The following MAPRE2 variants were observed in gnomAD, a reference collection of about 807,000 sequenced individuals.
MAPRE2 encodes the protein microtubule-associated protein RP/EB family member 2.
A neutral mutation model predicts 43.2 loss-of-function variants in MAPRE2; 13 were observed. That is an observed-to-expected ratio of 0.30 (90% CI 0.20 to 0.48). The LOEUF (loss-of-function observed/expected upper bound fraction) is 0.48. Among genes scored for constraint, MAPRE2 ranks in the 20% least tolerant of loss-of-function variants. The pLI, the probability that MAPRE2 is intolerant of heterozygous loss-of-function variation, is 0.99. For synonymous variants in MAPRE2, 135 were observed against 148.8 expected, an observed-to-expected ratio of 0.91 and a Z score of 0.68; for missense variants, 161 against 400.2, an observed-to-expected ratio of 0.40 and a Z score of 5.10.
intron 1 of MAPRE2, among the ~76,000 whole-genome samples, chr18:35,050,644 TTA>T (rs1402867339): frequency 9.8e-5 from 15 of 152,314 alleles, no homozygotes; most frequent in African/African-American, 3.1e-4. Flanking sequence ...CTCCTGCCAT[TTA>T]TCAAGTACAG....
chr18:35,075,462 C>G (rs1350170439), intron 2 of MAPRE2, among the ~76,000 whole-genome samples: 1 of 152,138 alleles, frequency 6.6e-6, no homozygotes, highest in Non-Finnish European at 1.5e-5. Flanking sequence ...CTTATTGGCT[C>G]TCTGGTATTG....
intron 5 of MAPRE2, among the ~76,000 whole-genome samples, chr18:35,130,794 C>T (rs893443226): frequency 5.3e-5 from 8 of 152,218 alleles, no homozygotes; most frequent in South Asian, 2.1e-4. Context: ...GTAGCTGCTG[C>T]GCCTGTGGGA....
At chr18:34,990,115 G>A (rs1332814141) in intron 1 of MAPRE2, among the ~76,000 whole-genome samples, 1 of 152,216 alleles carries the variant, frequency 6.6e-6, no homozygotes, top group Non-Finnish European at 1.5e-5. Flanking sequence ...ATTTGTAGAT[G>A]AAGAATTGCA....
intron 1 of MAPRE2, among the ~76,000 whole-genome samples, chr18:34,981,850 C>T (rs1282636539): frequency 2.0e-5 from 3 of 151,046 alleles, no homozygotes; most frequent in East Asian, 1.9e-4. Context: ...ATCATTGTCT[C>T]AGCGACTTTA....
chr18:35,095,385 C>CAT (rs1908357785), intron 2 of MAPRE2, among the ~76,000 whole-genome samples: 1 of 144,160 alleles, frequency 6.9e-6, no homozygotes, highest in African/African-American at 2.8e-5. Flanking sequence ...CACACACACA[C>CAT]ACACACACAC....
At chr18:35,016,167 T>C (rs1483937231) in intron 2 of MAPRE2, among the ~76,000 whole-genome samples, 2 of 151,990 alleles carry the variant, frequency 1.3e-5, no homozygotes, top group Non-Finnish European at 2.9e-5. Flanking sequence ...TTATGGTATA[T>C]ATATATACCA....
At chr18:35,027,413 AC>A (rs1165782136) in intron 2 of MAPRE2, among the ~76,000 whole-genome samples, 3 of 152,188 alleles carry the variant, frequency 2.0e-5, no homozygotes, top group Non-Finnish European at 4.4e-5. Flanking sequence ...AGCCCAGGCC[AC>A]ATGGGGAAGC....
At chr18:35,059,943 A>C (rs588542) in intron 1 of MAPRE2, among the ~76,000 whole-genome samples, 20,113 of 152,174 alleles carry the variant, frequency 0.13, 1,504 homozygotes, top group East Asian at 0.3. Flanking sequence ...GAGAGCTCAG[A>C]ACCAGGAGGT....
At chr18:35,105,020 C>T (rs563998869) in intron 4 of MAPRE2, among the ~76,000 whole-genome samples, 1 of 152,054 alleles carries the variant, frequency 6.6e-6, no homozygotes, top group South Asian at 2.1e-4. Context: ...ATTTTTTTCT[C>T]ATTGGTACCA....
At chr18:34,983,729 A>C (rs1221302141) in intron 1 of MAPRE2, among the ~76,000 whole-genome samples, 1 of 152,162 alleles carries the variant, frequency 6.6e-6, no homozygotes, top group Non-Finnish European at 1.5e-5. Context: ...TCCCAGGTTC[A>C]AGTGATTCTC....
rs879276548 is a variant in MAPRE2 at position 35,108,012 on chromosome 18, T to TA, written c.610+5864dup. Among the ~76,000 whole-genome samples, 39 of 143,714 alleles carry TA rather than the reference T, an allele frequency of 2.7e-4. No homozygotes were observed. The South Asian group carries it at 3.1e-3, about 11-fold the overall frequency. The allele number at this position is 143,714 out of a possible 152,430, so 94.3% of individuals were successfully genotyped here. On this transcript the variant is annotated intron_variant, in intron 4 of 6. Coordinates refer to ENST00000300249, the MANE Select transcript of MAPRE2 (RefSeq NM_014268.4). ...TGAATTGACCTTTTTTGTCTTCTTC[T>TA]AAAAAAAAAAAGGGATACATGTGCA...
intron 4 of MAPRE2, among the ~76,000 whole-genome samples, chr18:35,121,083 T>G (rs765729917): frequency 5.3e-5 from 8 of 152,232 alleles, no homozygotes; most frequent in Non-Finnish European, 8.8e-5. Context: ...AGGAATAATA[T>G]GGCAGATTAT....
At chr18:35,063,688 GATGATATAAAA>G (rs1332339065) in intron 1 of MAPRE2, among the ~76,000 whole-genome samples, 40 of 151,972 alleles carry the variant, frequency 2.6e-4, no homozygotes, top group African/African-American at 9.4e-4. Flanking sequence ...TCAGACTTTA[GATGATATAAAA>G]ACAAAAAAGT....
chr18:35,056,266 A>G (rs1349405272), intron 1 of MAPRE2, among the ~76,000 whole-genome samples: 1 of 152,132 alleles, frequency 6.6e-6, no homozygotes, highest in Non-Finnish European at 1.5e-5. Context: ...ATATAAATAT[A>G]CATAATGAAC....
At chr18:35,084,403 A>C (rs191394708) in intron 2 of MAPRE2, among the ~76,000 whole-genome samples, 4 of 152,302 alleles carry the variant, frequency 2.6e-5, no homozygotes, top group Admixed American at 1.3e-4. Context: ...AAGATTCTTA[A>C]AAAGGTTTTA....
intron 1 of MAPRE2, among the ~76,000 whole-genome samples, chr18:34,997,679 G>A (rs2097027203): frequency 1.3e-5 from 2 of 152,276 alleles, no homozygotes; most frequent in South Asian, 4.1e-4. Flanking sequence ...AGCCTGGCGT[G>A]GTGGCAGGCA....
intron 1 of MAPRE2, among the ~76,000 whole-genome samples, chr18:34,985,501 AAT>A (rs372117763): frequency 1.0e-3 from 45 of 43,576 alleles, no homozygotes; most frequent in African/African-American, 2.5e-3. Context: ...TATATTATAT[AAT>A]ATATAATATA....
upstream of MAPRE2, among the ~76,000 whole-genome samples, chr18:35,036,568 T>G (rs2097050682): frequency 2.6e-5 from 4 of 152,300 alleles, no homozygotes; most frequent in South Asian, 8.3e-4. Context: ...CCGAGAGATG[T>G]TATAACCTTC....
intron 2 of MAPRE2, among the ~76,000 whole-genome samples, chr18:35,072,514 A>G (rs1362166163): frequency 1.3e-5 from 2 of 152,244 alleles, no homozygotes; most frequent in Non-Finnish European, 2.9e-5. Flanking sequence ...GGAAACCATG[A>G]GGAACTTCCT....
Sources: allele counts gnomAD v4.1 joint callset (sites outside exome capture counted in the v4.1 genomes callset), GRCh38; gene constraint gnomAD v4.1.1; transcripts MANE v1.5; gene names NCBI Gene and HGNC (gene_info 2026-07-23, HGNC 2026-07-21).